C3orf49: variants seen among roughly 807,000 people sequenced by gnomAD.
C3orf49 encodes the protein chromosome 3 open reading frame 49.
In C3orf49, 27 loss-of-function variants were observed where a neutral mutation model predicts 13.3. The observed-to-expected ratio is 2.02, with a 90% CI of 1.49 to 2.79. The LOEUF is 2.79. Ranked by LOEUF, C3orf49 falls within the 30% of genes most tolerant of loss-of-function variation. The pLI, the probability that C3orf49 is intolerant of heterozygous loss-of-function variation, is 0.00. For synonymous variants in C3orf49, 87 were observed against 47.6 expected, an observed-to-expected ratio of 1.83 and a Z score of -3.40; for missense variants, 242 against 134.2, an observed-to-expected ratio of 1.80 and a Z score of -3.97.
the C3orf49 span, among the ~76,000 whole-genome samples, chr3:63,804,572 T>C: frequency 1.3e-5 from 2 of 152,190 alleles, no homozygotes; most frequent in Non-Finnish European, 2.9e-5. Context: ...CAGATTGCTT[T>C]TCATGTAGCT....
At chr3:63,846,171 T>C (rs1192674563) in intron 6 of C3orf49, 2 of 444,748 alleles carry the variant, frequency 4.5e-6, no homozygotes, top group African/African-American at 4.0e-5. Context: ...ATATTTACAA[T>C]CTACTACTAA....
intron 3 of C3orf49, among the ~76,000 whole-genome samples, chr3:63,830,707 C>T (rs1007100797): frequency 6.6e-6 from 1 of 152,138 alleles, no homozygotes; most frequent in African/African-American, 2.4e-5. Flanking sequence ...AGGAAACCTG[C>T]AGAAACGAGA....
At chr3:63,787,225 T>C in the C3orf49 span, 6 of 152,186 alleles carry the variant, frequency 3.9e-5, no homozygotes, top group Non-Finnish European at 7.3e-5. Context: ...TGTAGAACAA[T>C]GTAGAATATT....
At chr3:63,836,151 C>T (rs1328778230) in intron 5 of C3orf49, 7 of 640,484 alleles carry the variant, frequency 1.1e-5, no homozygotes, top group Non-Finnish European at 1.7e-5. Context: ...AAAATAAAAT[C>T]TAACAGAGAA....
chr3:63,846,145 C>G, intron 6 of C3orf49: 2 of 428,286 alleles, frequency 4.7e-6, no homozygotes, highest in Non-Finnish European at 9.4e-6. Context: ...GCCTCTCTCT[C>G]TCTTTCTTTG....
the C3orf49 span, among the ~76,000 whole-genome samples, chr3:63,782,014 C>G: frequency 1.3e-5 from 2 of 152,180 alleles, no homozygotes; most frequent in African/African-American, 2.4e-5. Context: ...AGCCTGTATG[C>G]TTAATCACTG....
At chr3:63,846,347 T>C (rs1292066301) in intron 6 of C3orf49, 1 of 245,120 alleles carries the variant, frequency 4.1e-6, no homozygotes, top group Non-Finnish European at 8.5e-6. Flanking sequence ...TTCCTAAACC[T>C]AGAGAAAAAT....
At chr3:63,793,701 A>G in the C3orf49 span, among the ~76,000 whole-genome samples, 2 of 152,084 alleles carry the variant, frequency 1.3e-5, no homozygotes, top group African/African-American at 4.8e-5. Context: ...TCACTGCTTT[A>G]TTTTGCTCCG....
chr3:63,787,717 G>A, the C3orf49 span, among the ~76,000 whole-genome samples: 1 of 152,064 alleles, frequency 6.6e-6, no homozygotes, highest in Non-Finnish European at 1.5e-5. Flanking sequence ...GTGGGGCCAG[G>A]CAACTTAGAT....
At chr3:63,835,520 C>A in intron 5 of C3orf49, 2 of 644,998 alleles carry the variant, frequency 3.1e-6, no homozygotes, top group South Asian at 5.5e-5. Context: ...TATAACACTC[C>A]ATTATGGTGA....
intron 2 of C3orf49, among the ~76,000 whole-genome samples, chr3:63,824,577 G>A (rs574296169): frequency 2.6e-5 from 4 of 152,230 alleles, no homozygotes; most frequent in African/African-American, 4.8e-5. Context: ...AGTGGCTCAC[G>A]TATGTAATCC....
chr3:63,809,940 T>C, the C3orf49 span, among the ~76,000 whole-genome samples: 3,583 of 152,080 alleles, frequency 0.024, 77 homozygotes, highest in African/African-American at 0.059. Context: ...TTGAGGTCAG[T>C]AGTTCAAGAC....
intron 2 of C3orf49, among the ~76,000 whole-genome samples, chr3:63,824,596 T>C (rs1161387037): frequency 2.0e-5 from 3 of 152,164 alleles, no homozygotes; most frequent in Non-Finnish European, 2.9e-5. Context: ...CCCAGCTCTT[T>C]GGAAGGCCAA....
rs557061702 is a variant in C3orf49, at chr3:63,836,528, C to T, written c.849+4684C>T. On this transcript the variant is annotated intron_variant, in intron 5 of 6. Coordinates refer to ENST00000295896, the MANE Select transcript of C3orf49 (RefSeq NM_001355236.2). ...TTAGTTAACTGAGTTATAATTATAA[C>T]GATACATAACATCAAAAGTGTTCCA... 1.7e-4 allele frequency among the ~76,000 whole-genome samples: 26 copies of T among 152,026 alleles called. No homozygotes were observed. In the South Asian group the frequency reaches 5.2e-3, roughly 30 times the overall value.
intron 5 of C3orf49, among the ~76,000 whole-genome samples, chr3:63,835,717 A>G (rs1434240208): frequency 6.6e-6 from 1 of 152,066 alleles, no homozygotes; most frequent in Non-Finnish European, 1.5e-5. Flanking sequence ...AAGAAATAAA[A>G]CATTGCCAAT....
At chr3:63,805,894 C>T in the C3orf49 span, among the ~76,000 whole-genome samples, 2 of 152,168 alleles carry the variant, frequency 1.3e-5, no homozygotes, top group Non-Finnish European at 2.9e-5. Context: ...TGCAAGAGAC[C>T]CACGGAGAAC....
Position 63,826,388 on chromosome 3 carries a change from G to C in C3orf49, c.446-1213G>C, listed in dbSNP as rs187509639. Among the ~76,000 whole-genome samples, 16 of 152,280 alleles carry C rather than the reference G, an allele frequency of 1.1e-4. 1 individual carries two copies. In the East Asian group the frequency reaches 3.1e-3, roughly 30 times the overall value. On this transcript the variant is annotated intron_variant, in intron 2 of 6. Coordinates refer to ENST00000295896, the MANE Select transcript of C3orf49 (RefSeq NM_001355236.2). ...AGGGCAGTGGGAATGGGGAGATAAAGGGAGAAATAAGCATAGGTAGAAGTT... is the reference window on the plus strand; with the variant it reads ...AGGGCAGTGGGAATGGGGAGATAAACGGAGAAATAAGCATAGGTAGAAGTT...
the C3orf49 span, among the ~76,000 whole-genome samples, chr3:63,809,750 G>A: frequency 6.6e-5 from 10 of 152,072 alleles, no homozygotes; most frequent in Non-Finnish European, 1.3e-4. Flanking sequence ...CATTCTCCTC[G>A]TCCAAGGTGC....
upstream of C3orf49, among the ~76,000 whole-genome samples, chr3:63,816,478 G>A (rs1701325378): frequency 6.6e-6 from 1 of 151,958 alleles, no homozygotes; most frequent in African/African-American, 2.4e-5. Flanking sequence ...TGTAACCCCA[G>A]CTACTCAGGA....
Sources: gnomAD v4.1 joint callset for allele counts (sites outside exome capture counted in the v4.1 genomes callset) on GRCh38, gnomAD v4.1.1 for gene constraint, MANE v1.5 for transcripts, NCBI Gene and HGNC (gene_info 2026-07-23, HGNC 2026-07-21) for gene names.